OR9Q1: variants seen among roughly 807,000 people sequenced by gnomAD.
OR9Q1 encodes the protein olfactory receptor 9Q1.
For missense variants in OR9Q1, 374 were observed against 378.8 expected, an observed-to-expected ratio of 0.99 and a Z score of 0.11; for synonymous variants, 153 against 148.6, an observed-to-expected ratio of 1.03 and a Z score of -0.22.
intron 1 of OR9Q1, among the ~76,000 whole-genome samples, chr11:58,034,231 G>T (rs1349218296): frequency 6.6e-6 from 1 of 151,632 alleles, no homozygotes; most frequent in South Asian, 2.1e-4. Context: ...GACTACAGGG[G>T]CCCGCCACCA....
intron 2 of OR9Q1, among the ~76,000 whole-genome samples, chr11:58,084,692 A>G (rs950624332): frequency 1.1e-4 from 17 of 151,928 alleles, no homozygotes; most frequent in African/African-American, 3.9e-4. Flanking sequence ...GGCAAAAATC[A>G]TATGATCATC....
intron 2 of OR9Q1, among the ~76,000 whole-genome samples, chr11:58,135,272 C>T (rs1453183493): frequency 6.6e-6 from 1 of 152,110 alleles, no homozygotes; most frequent in East Asian, 1.9e-4. Context: ...AGAAAATGGC[C>T]AACTAAAGTT....
In OR9Q1 at chr11:58,180,466, T is replaced by A; in HGVS notation, c.*89T>A. On this transcript the variant is annotated 3_prime_UTR_variant, in exon 3 of 3. Coordinates refer to ENST00000335397, the MANE Select transcript of OR9Q1 (RefSeq NM_001005212.4). ...CATTATTTATAGCATGCTCAATGTTTAAATGAATATATTATGGTACTAGGT... is the reference window on the plus strand; with the variant it reads ...CATTATTTATAGCATGCTCAATGTTAAAATGAATATATTATGGTACTAGGT... 3 of 756,614 alleles carry A rather than the reference T, an allele frequency of 4.0e-6. No homozygotes were observed. The highest frequency in any genetic ancestry group is 6.4e-6 in the Non-Finnish European group (3 of 470,068). 46.9% of individuals were successfully genotyped at this position (756,614 alleles called of 1,614,324 possible).
At chr11:58,149,300 C>T (rs1263384488) in intron 2 of OR9Q1, among the ~76,000 whole-genome samples, 1 of 152,126 alleles carries the variant, frequency 6.6e-6, no homozygotes, top group Non-Finnish European at 1.5e-5. Flanking sequence ...TGAGGAGCTA[C>T]TATATGCTGG....
intron 2 of OR9Q1, among the ~76,000 whole-genome samples, chr11:58,063,182 G>A (rs1233699167): frequency 1.3e-5 from 2 of 152,064 alleles, no homozygotes; most frequent in Non-Finnish European, 2.9e-5. Context: ...TTTTTCCCCT[G>A]GAATCAAGGT....
chr11:58,156,841 A>G (rs1403131597), intron 2 of OR9Q1, among the ~76,000 whole-genome samples: 1 of 152,178 alleles, frequency 6.6e-6, no homozygotes, highest in Non-Finnish European at 1.5e-5. Flanking sequence ...CCTTTGCTAG[A>G]CTTAGACTTT....
intron 2 of OR9Q1, among the ~76,000 whole-genome samples, chr11:58,158,441 T>A (rs867390868): frequency 2.8e-5 from 3 of 105,516 alleles, no homozygotes; most frequent in Admixed American, 2.0e-4. Flanking sequence ...TTTTTTTTTT[T>A]AACATATTTT....
At chr11:58,141,669 G>A (rs924407054) in intron 2 of OR9Q1, among the ~76,000 whole-genome samples, 3 of 152,074 alleles carry the variant, frequency 2.0e-5, no homozygotes, top group Non-Finnish European at 4.4e-5. Flanking sequence ...GGGATGTGCA[G>A]CTGTTATTGT....
At chr11:58,145,953 T>C (rs1415726410) in intron 2 of OR9Q1, among the ~76,000 whole-genome samples, 1 of 151,968 alleles carries the variant, frequency 6.6e-6, no homozygotes, top group African/African-American at 2.4e-5. Flanking sequence ...GGATTTGTCA[T>C]AGAAAATAAA....
intron 1 of OR9Q1, among the ~76,000 whole-genome samples, chr11:58,029,936 G>A (rs2119907597): frequency 6.6e-6 from 1 of 151,070 alleles, no homozygotes; most frequent in South Asian, 2.1e-4. Flanking sequence ...CTGCCTCCTG[G>A]ATTCAAGTGA....
At chr11:58,028,698 A>C (rs1852999806) in intron 1 of OR9Q1, among the ~76,000 whole-genome samples, 2 of 152,202 alleles carry the variant, frequency 1.3e-5, no homozygotes, top group South Asian at 4.1e-4. Flanking sequence ...TCCTTGAGCC[A>C]ACAGAAGCAT....
intron 2 of OR9Q1, among the ~76,000 whole-genome samples, chr11:58,133,156 C>A (rs1480962755): frequency 6.6e-6 from 1 of 152,196 alleles, no homozygotes; most frequent in Non-Finnish European, 1.5e-5. Context: ...ACAGACCAGA[C>A]TGGAAATGTA....
chr11:58,156,740 C>T (rs1459790883), intron 2 of OR9Q1, among the ~76,000 whole-genome samples: 1 of 152,162 alleles, frequency 6.6e-6, no homozygotes, highest in African/African-American at 2.4e-5. Context: ...TCTATACTCT[C>T]TCTTTCTGCT....
chr11:58,048,776 C>G (rs1310413425), intron 1 of OR9Q1, among the ~76,000 whole-genome samples: 1 of 134,796 alleles, frequency 7.4e-6, no homozygotes. Flanking sequence ...CACCACCGAT[C>G]CCACAGAAAT....
intron 2 of OR9Q1, among the ~76,000 whole-genome samples, chr11:58,137,059 G>T (rs1447164): frequency 0.99 from 150,854 of 152,340 alleles, 74,710 homozygotes; most frequent in East Asian, 1. Flanking sequence ...CTGTTATTGG[G>T]CTAATGCAGA....
At chr11:58,104,551 A>G (rs1853821981) in intron 2 of OR9Q1, among the ~76,000 whole-genome samples, 1 of 152,200 alleles carries the variant, frequency 6.6e-6, no homozygotes, top group Non-Finnish European at 1.5e-5. Flanking sequence ...AGGAAATAAA[A>G]TGAACAATAA....
chr11:58,129,635 A>G (rs1211662695), intron 2 of OR9Q1, among the ~76,000 whole-genome samples: 1 of 152,102 alleles, frequency 6.6e-6, no homozygotes, highest in African/African-American at 2.4e-5. Context: ...TTCTGCCTGA[A>G]ATGCTACTCA....
rs749191317 is a variant in OR9Q1, at chr11:58,119,173, A to T, written c.-14-60258A>T. ...GGCAGCACAGTGGCCGTAGGAGATG[A>T]CCGTTTTGCCTGTGGCCAATGTGGC... is the stretch of plus-strand genomic sequence containing the variant. On this transcript the variant is annotated intron_variant, in intron 2 of 2. Transcript: ENST00000335397. The T allele has an allele frequency of 1.9e-6, 3 of 1,613,878 alleles. No homozygotes were observed. In the African/African-American group the frequency reaches 4.0e-5, roughly 22 times the overall value.
At chr11:58,139,787 G>T (rs1854226811) in intron 2 of OR9Q1, among the ~76,000 whole-genome samples, 1 of 151,950 alleles carries the variant, frequency 6.6e-6, no homozygotes, top group African/African-American at 2.4e-5. Context: ...ATAATCCTTT[G>T]GGTATATACC....
Sources: gnomAD v4.1 joint callset for allele counts (sites outside exome capture counted in the v4.1 genomes callset) on GRCh38, gnomAD v4.1.1 for gene constraint, MANE v1.5 for transcripts, NCBI Gene and HGNC (gene_info 2026-07-23, HGNC 2026-07-21) for gene names.